Variants in DSP observed in about 807,000 individuals in gnomAD.
DSP encodes desmoplakin, also known as 250/210 kDa paraneoplastic pemphigus antigen.
DSP carries 114 observed loss-of-function variants against 290.6 expected under a neutral mutation model. That is an observed-to-expected ratio of 0.39 (90% confidence interval 0.34 to 0.46). DSP has a LOEUF of 0.46. Among genes scored for constraint, DSP ranks in the 20% least tolerant of loss-of-function variants. DSP has a pLI of 0.99. For missense variants in DSP, 3,230 were observed against 3,495.8 expected, an observed-to-expected ratio of 0.92 and a Z score of 1.92; for synonymous variants, 1,311 against 1,316.4, an observed-to-expected ratio of 1.00 and a Z score of 0.09.
rs1759608137 is a variant in DSP, at chr6:7,585,201, G to A, written c.7939G>A (p.Gly2647Ser). ...GCGGGGCATCGTTGACAGCATCACG[G>A]GTCAGAGGCTTCTGGAGGCTCAGGC... ...IERGIVDSIT[G>S]QRLLEAQACT... Residue 2647 changes from glycine to serine, a missense_variant, in exon 24 of 24, where the codon GGT (glycine) becomes AGT (serine). Around this residue, in one of 5 missense-constraint regions of DSP, gnomAD observed 582 missense variants for 555.4 expected, o/e 1.05. Transcript: ENST00000379802. The A allele has an allele frequency of 6.2e-7, 1 of 1,614,036 alleles. No individual in the cohort carries two copies. Among genetic ancestry groups the A allele is most frequent in the Admixed American group, 1.7e-5 (1 of 60,004 alleles).
At position 7,585,986 on chromosome 6, in the gene DSP, T is replaced by G; in HGVS notation, c.*108T>G. ...GTGCTTGCAGTAGAGTGATAGGACA[T>G]TCTATGCTTACAGAAAATATAGCCA... On this transcript the variant is annotated 3_prime_UTR_variant, in exon 24 of 24. Coordinates refer to ENST00000379802, the MANE Select transcript of DSP (RefSeq NM_004415.4). The G allele has an allele frequency of 8.9e-7, 1 of 1,124,098 alleles. No individual in the cohort carries two copies. Among genetic ancestry groups the G allele is most frequent in the South Asian group, 1.3e-5 (1 of 76,286 alleles). The allele number at this position is 1,124,098 out of a possible 1,614,324, so 69.6% of individuals were successfully genotyped here.
intron 1 of DSP, among the ~76,000 whole-genome samples, chr6:7,552,564 G>GAAAA (rs377022218): frequency 1.8e-4 from 18 of 101,608 alleles, no homozygotes; most frequent in Non-Finnish European, 3.5e-4. Flanking sequence ...CTCCATCTCG[G>GAAAA]AAAAAAAAAA....
chr6:7,561,298 C>T (rs907040273), intron 4 of DSP, among the ~76,000 whole-genome samples: 1 of 152,118 alleles, frequency 6.6e-6, no homozygotes, highest in African/African-American at 2.4e-5. Flanking sequence ...GCGATGCTTT[C>T]CGGGTTAGGC....
At position 7,578,444 on chromosome 6, in the gene DSP, TTTCC is replaced by T. The variant is rs1759315245; in HGVS notation, c.2986-13_2986-10del. On this transcript the variant is annotated splice_polypyrimidine_tract_variant and intron_variant, in intron 21 of 23. Coordinates refer to ENST00000379802, the MANE Select transcript of DSP (RefSeq NM_004415.4). ...TTTTAATGCAATATCTTTTTCTTTCTTTCCTTCCTTTTCTCCAAGGCTGCAGATG... is the reference window on the plus strand; with the variant it reads ...TTTTAATGCAATATCTTTTTCTTTCTTTCCTTTTCTCCAAGGCTGCAGATG... The T allele has an allele frequency of 6.2e-7, 1 of 1,605,622 alleles. No homozygotes were observed. Among genetic ancestry groups the T allele is most frequent in the Non-Finnish European group, 8.5e-7 (1 of 1,172,774 alleles).
At chr6:7,558,566 G>C (rs1056098553) in intron 3 of DSP, among the ~76,000 whole-genome samples, 2 of 145,530 alleles carry the variant, frequency 1.4e-5, no homozygotes, top group Non-Finnish European at 3.0e-5. Flanking sequence ...CCAGGCTGGA[G>C]TGCAGTGGCA....
Position 7,582,624 on chromosome 6 carries a change from TTTC to T in DSP, c.5380-11_5380-9del. ...TCAAAACATTATTTTTTCCCATTTC[TTTC>T]TTCTTCAATTCCAGGCATCTAATAG... On this transcript the variant is annotated splice_polypyrimidine_tract_variant and intron_variant, in intron 23 of 23. Coordinates refer to ENST00000379802, the MANE Select transcript of DSP (RefSeq NM_004415.4). The surrounding 1 kb of genome is among the most constrained non-coding windows in gnomAD (Gnocchi z 4.2). The T allele has an allele frequency of 1.2e-6, 2 of 1,600,056 alleles. No homozygotes were observed. The highest frequency in any genetic ancestry group is 2.2e-5 in the East Asian group (1 of 44,794).
chr6:7,554,735 C>T (rs971208717), intron 1 of DSP, among the ~76,000 whole-genome samples: 13 of 152,154 alleles, frequency 8.5e-5, no homozygotes, highest in African/African-American at 3.1e-4. Context: ...GCCTCCAACT[C>T]GTGGGCTCAA....
rs1364445729 is a variant in DSP, at chr6:7,581,010, A to G, written c.4820A>G (p.Glu1607Gly). ...ELEGMRRSLK[E>G]QAIKITNLTQ... ...GAAGGCATGAGGAGGTCGCTGAAGG[A>G]GCAAGCCATCAAAATCACCAACCTG... Residue 1607 changes from glutamate (E) to glycine (G), a missense_variant, in exon 23 of 24, where the codon GAG becomes GGG. Around this residue, in one of 5 missense-constraint regions of DSP, gnomAD observed 1,714 missense variants for 1,844.5 expected, o/e 0.93. Transcript: ENST00000379802. 6 of 1,614,030 alleles carry G rather than the reference A, an allele frequency of 3.7e-6. No homozygotes were observed. The highest frequency in any genetic ancestry group is 5.1e-6 in the Non-Finnish European group (6 of 1,180,012).
rs765645957 is a variant in DSP at position 7,579,874 on chromosome 6, A to C, written c.3684A>C (p.Lys1228Asn). ...CCATCAAGGAGATATCCATGCAAAA[A>C]GAGGATGATTCCAAAAATCTTAGAA... Reference protein sequence around the residue: ...KTTIKEISMQKEDDSKNLRNQ... With the variant: ...KTTIKEISMQNEDDSKNLRNQ... The change falls in exon 23 of 24, where the codon AAA becomes AAC. Residue 1228 changes from lysine to asparagine, a missense_variant. Coordinates refer to ENST00000379802, the MANE Select transcript of DSP (RefSeq NM_004415.4). This position sits in a 1 kb window ranked among gnomAD's most constrained non-coding sequence, Gnocchi z 4.1. The C allele has an allele frequency of 3.7e-6, 6 of 1,614,070 alleles. No individual in the cohort carries two copies. The African/African-American group carries it at 8.0e-5, about 22-fold the overall frequency.
chr6:7,578,433 C>T (rs1759314938), intron 21 of DSP, 31 bp from the exon 22 acceptor site: 1 of 1,584,290 alleles, frequency 6.3e-7, no homozygotes, highest in African/African-American at 1.3e-5. Context: ...AATGCAATAT[C>T]TTTTTCTTTC....
At position 7,575,278 on chromosome 6, in the gene DSP, T is replaced by C; in HGVS notation, c.2437-17T>C. ...AGAAGGGATTAATTTGCAATCTTTT[T>C]TTTTTTCATCTTGCAGAAAATAAAA... On this transcript the variant is annotated splice_polypyrimidine_tract_variant and intron_variant, in intron 17 of 23. Transcript: ENST00000379802. 1 of 1,613,976 alleles carries C rather than the reference T, an allele frequency of 6.2e-7. No individual in the cohort carries two copies. Among genetic ancestry groups the C allele is most frequent in the Non-Finnish European group, 8.5e-7 (1 of 1,179,898 alleles).
chr6:7,559,442 C>T lies in DSP; in HGVS notation c.597+42C>T, dbSNP rs369624951. On this transcript the variant is annotated intron_variant, in intron 4 of 23. Coordinates refer to ENST00000379802, the MANE Select transcript of DSP (RefSeq NM_004415.4). Reference sequence around the variant, plus strand: ...ACAGCCCAAACCTGTGCAGGCCAGACGTTCCAGCACGATGGGGTCAGCCCA... The same window carrying T: ...ACAGCCCAAACCTGTGCAGGCCAGATGTTCCAGCACGATGGGGTCAGCCCA... The T allele has an allele frequency of 8.9e-5, 144 of 1,610,448 alleles. No homozygotes were observed. In the African/African-American group the frequency reaches 1.3e-3, roughly 14 times the overall value.
rs774136644 is a variant in DSP at position 7,562,699 on chromosome 6, G to A, written c.645G>A (p.Glu215=). 1.2e-6 allele frequency: 2 copies of A among 1,614,126 alleles called. No individual in the cohort carries two copies. The highest frequency in any genetic ancestry group is 1.1e-5 in the South Asian group (1 of 91,084). ...VAWGVDLASV[E]QHINSHRGIH... ...GGGGTGTGGACCTGGCCTCAGTGGA[G>A]CAGCACATTAACAGCCACCGGGGCA... Residue 215 remains glutamate, a synonymous_variant, in exon 5 of 24, where the codon GAG becomes GAA. Transcript: ENST00000379802.
intron 4 of DSP, among the ~76,000 whole-genome samples, chr6:7,562,130 G>A (rs1004773176): frequency 6.6e-6 from 1 of 152,118 alleles, no homozygotes. Context: ...AAAGGGAATG[G>A]TATATCCTGG....
At chr6:7,556,993 C>T (rs996342303) in intron 2 of DSP, among the ~76,000 whole-genome samples, 3 of 152,114 alleles carry the variant, frequency 2.0e-5, no homozygotes, top group Non-Finnish European at 4.4e-5. Context: ...CTCATGTTCT[C>T]AGTTTATTTT....
Position 7,581,263 on chromosome 6 carries a change from T to G in DSP, c.5073T>G (p.Asp1691Glu). The change falls in exon 23 of 24, where the codon GAT becomes GAG. Residue 1691 changes from aspartate (D) to glutamate (E), a missense_variant. This residue lies in a region of DSP where 1,714 missense variants were observed against 1,844.5 expected (regional missense o/e 0.93). Coordinates refer to ENST00000379802, the MANE Select transcript of DSP (RefSeq NM_004415.4). Reference protein sequence around the residue: ...RNEHFQKAIEDKSRSLNESKI... With the variant: ...RNEHFQKAIEEKSRSLNESKI... ...AGCATTTCCAGAAGGCGATAGAAGA[T>G]AAAAGCAGAAGCTTAAATGAAAGCA... 6.2e-7 allele frequency: 1 copy of G among 1,614,036 alleles called. No individual in the cohort carries two copies. Among genetic ancestry groups the G allele is most frequent in the Non-Finnish European group, 8.5e-7 (1 of 1,180,028 alleles).
At position 7,574,230 on chromosome 6, in the gene DSP, G is replaced by A. The variant is rs745544854; in HGVS notation, c.2275G>A (p.Val759Ile). The change falls in exon 16 of 24, where the codon GTT becomes ATT. Residue 759 changes from valine (V) to isoleucine (I), a missense_variant. Physicochemically the swap from Val to Ile is conservative, Grantham distance 29. This residue lies in a region of DSP where 1,714 missense variants were observed against 1,844.5 expected (regional missense o/e 0.93). Transcript: ENST00000379802. ...LFQKLENING[V>I]TDGYLNSLCT... ...TCAGAAACTGGAAAATATCAATGGT[G>A]TTACAGATGGCTACTTAAATAGGTA... The A allele has an allele frequency of 1.1e-5, 18 of 1,613,738 alleles. No individual in the cohort carries two copies. The highest frequency in any genetic ancestry group is 1.7e-5 in the Admixed American group (1 of 60,012).
intron 16 of DSP, 102 bp from the exon 17 acceptor site, chr6:7,574,555 C>T: frequency 1.3e-6 from 2 of 1,529,484 alleles, no homozygotes; most frequent in Non-Finnish European, 1.8e-6. Context: ...AAATTTTTAT[C>T]TGCTTTGACG....
At position 7,579,741 on chromosome 6, in the gene DSP, G is replaced by A. The variant is rs147909031; in HGVS notation, c.3551G>A (p.Arg1184Gln). ...GTTCTACTGCAGGAAGAAGGCACCC[G>A]GAAGAGAGAATATGAAAATGAGCTG... Reference protein sequence around the residue: ...LRVLLQEEGTRKREYENELAK... With the variant: ...LRVLLQEEGTQKREYENELAK... Residue 1184 changes from arginine to glutamine, a missense_variant, in exon 23 of 24, where the codon CGG becomes CAG. Arg to Gln is a conservative substitution (Grantham distance 43). This residue lies in a region of DSP where 1,714 missense variants were observed against 1,844.5 expected (regional missense o/e 0.93). Transcript: ENST00000379802. This position sits in a 1 kb window ranked among gnomAD's most constrained non-coding sequence, Gnocchi z 4.1. 2.0e-5 allele frequency: 32 copies of A among 1,613,582 alleles called. No homozygotes were observed. Among genetic ancestry groups the A allele is most frequent in the East Asian group, 6.7e-5 (3 of 44,812 alleles).
Sources: gnomAD v4.1 joint callset for allele counts (sites outside exome capture counted in the v4.1 genomes callset) on GRCh38, gnomAD v4.1.1 for gene constraint, gnomAD v4.1.1 regional missense constraint, Gnocchi (gnomAD v3.1) non-coding constraint, MANE v1.5 for transcripts, NCBI Gene and HGNC (gene_info 2026-07-23, HGNC 2026-07-21) for gene names.